The following SPAG5 variants were observed in gnomAD, a reference collection of about 807,000 sequenced individuals.
SPAG5 encodes sperm associated antigen 5, also known as sperm-associated antigen 5.
Under a neutral mutation model 145.4 loss-of-function variants are expected in SPAG5, and 99 were observed. The observed-to-expected ratio is 0.68, with a 90% CI of 0.58 to 0.80. SPAG5 has a LOEUF of 0.80. Among genes scored for constraint, SPAG5 ranks in the 30% least tolerant of loss-of-function variants. SPAG5 has a pLI of 0.00. For missense variants in SPAG5, 1,192 were observed against 1,416.0 expected (o/e 0.84, Z 2.54); for synonymous variants, 477 against 525.4 (o/e 0.91, Z 1.26).
intron 19 of SPAG5, 31 bp from the exon 20 acceptor site, chr17:28,578,783 T>TA: frequency 6.4e-7 from 1 of 1,574,466 alleles, no homozygotes; most frequent in Non-Finnish European, 8.7e-7. Flanking sequence ...AGAAGACACA[T>TA]GAAGAGCTGG....
At position 28,585,524 on chromosome 17, in the gene SPAG5, C is replaced by T. The variant is rs1055506088; in HGVS notation, c.1860+10G>A. ...CACAGACCCCAGGAAAGAAAATGCCCTTAAATTACCAGTTGGGTCTGGGCA... is the reference window on the plus strand; with the variant it reads ...CACAGACCCCAGGAAAGAAAATGCCTTTAAATTACCAGTTGGGTCTGGGCA... On this transcript the variant is annotated intron_variant, in intron 8 of 23. Coordinates refer to ENST00000321765, the MANE Select transcript of SPAG5 (RefSeq NM_006461.4). The T allele has an allele frequency of 1.2e-6, 2 of 1,613,904 alleles. No individual in the cohort carries two copies. The highest frequency in any genetic ancestry group is 1.7e-6 in the Non-Finnish European group (2 of 1,180,044).
At chr17:28,585,702 G>C (rs770945944) in intron 7 of SPAG5, 49 bp from the exon 8 acceptor site, 3 of 1,611,358 alleles carry the variant, frequency 1.9e-6, no homozygotes, top group South Asian at 2.2e-5. Context: ...AGGGGAGCCA[G>C]CACAAAAAGA....
chr17:28,578,671 C>G lies in SPAG5; in HGVS notation c.3198+1G>C, dbSNP rs1471382771. On this transcript the variant is annotated splice_donor_variant, in intron 20 of 23. Transcript: ENST00000321765. LOFTEE classifies it high-confidence loss of function. The stretch of plus-strand genomic sequence containing the variant: ...AGGCCTGGGCATGATGGTGAACATA[C>G]TATGAGCTCGCCACTCTTGTCTATC... The G allele has an allele frequency of 6.2e-7, 1 of 1,613,660 alleles. No individual in the cohort carries two copies. The highest frequency in any genetic ancestry group is 1.7e-5 in the Admixed American group (1 of 60,018).
In SPAG5 at chr17:28,586,518, T is replaced by G; in HGVS notation, c.1438-19A>C. 1 of 1,594,332 alleles carries G rather than the reference T, an allele frequency of 6.3e-7. No individual in the cohort carries two copies. On this transcript the variant is annotated intron_variant, in intron 4 of 23. Transcript: ENST00000321765. ...TAGTTATCTAGCCAGAAAAACAGAGTTGTTCCTTGTTTTGTTTGTTTGTTT... is the reference window on the plus strand; with the variant it reads ...TAGTTATCTAGCCAGAAAAACAGAGGTGTTCCTTGTTTTGTTTGTTTGTTT...
At chr17:28,596,527 G>T (rs1168870749) in intron 2 of SPAG5, among the ~76,000 whole-genome samples, 1 of 151,752 alleles carries the variant, frequency 6.6e-6, no homozygotes, top group African/African-American at 2.4e-5. Flanking sequence ...AATTAGCCAG[G>T]CATGGTGGCA....
intron 14 of SPAG5, 52 bp downstream of exon 14, chr17:28,583,801 C>T: frequency 6.3e-7 from 1 of 1,576,932 alleles, no homozygotes; most frequent in Non-Finnish European, 8.6e-7. Flanking sequence ...AGAAGTGTTC[C>T]TGAGAAAAAA....
intron 11 of SPAG5, 66 bp downstream of exon 11, chr17:28,584,586 A>G (rs1331822864): frequency 6.2e-7 from 1 of 1,600,906 alleles, no homozygotes; most frequent in Admixed American, 1.7e-5. Flanking sequence ...CTCTAGTGCC[A>G]CACTCCAAGC....
At chr17:28,579,071 TAA>T in intron 19 of SPAG5, 68 bp downstream of exon 19, 2 of 1,304,026 alleles carry the variant, frequency 1.5e-6, no homozygotes, top group East Asian at 4.6e-5. Context: ...CCTGGAGAGA[TAA>T]TGGCTCCCAG....
intron 1 of SPAG5, 92 bp downstream of exon 1, chr17:28,598,804 G>A: frequency 6.5e-7 from 1 of 1,544,952 alleles, no homozygotes; most frequent in Non-Finnish European, 8.9e-7. Flanking sequence ...CCAACCCCGG[G>A]CTCGACCCAA....
In SPAG5 at chr17:28,584,692, T is replaced by C. The variant is rs1157005894; in HGVS notation, c.2121A>G (p.Gln707=). 6.2e-7 allele frequency: 1 copy of C among 1,614,074 alleles called. No individual in the cohort carries two copies. The highest frequency in any genetic ancestry group is 8.5e-7 in the Non-Finnish European group (1 of 1,180,024). Residue 707 remains glutamine, a synonymous_variant, in exon 11 of 24, where the codon CAA becomes CAG. Coordinates refer to ENST00000321765, the MANE Select transcript of SPAG5 (RefSeq NM_006461.4). ...VSAQLEECKG[Q]TEQLELENSR... ...TGTTTTCCAACTCCAGTTGTTCTGT[T>C]TGGCCTTTGCACTCCTCTAACTGGG...
chr17:28,590,661 G>C (rs1383635326), intron 4 of SPAG5, among the ~76,000 whole-genome samples: 1 of 151,914 alleles, frequency 6.6e-6, no homozygotes, highest in Non-Finnish European at 1.5e-5. Context: ...ATGAGGGCAG[G>C]AGTTCGAGAC....
At chr17:28,593,579 A>AT (rs2070639701) in intron 2 of SPAG5, among the ~76,000 whole-genome samples, 1 of 152,090 alleles carries the variant, frequency 6.6e-6, no homozygotes, top group East Asian at 1.9e-4. Flanking sequence ...TTAGCCGGGC[A>AT]TGGTGGTGCT....
Position 28,585,085 on chromosome 17 carries a change from C to A in SPAG5, c.2067+17G>T, listed in dbSNP as rs769433119. 1 of 1,596,194 alleles carries A rather than the reference C, an allele frequency of 6.3e-7. No homozygotes were observed. Among genetic ancestry groups the A allele is most frequent in the Admixed American group, 1.7e-5 (1 of 60,004 alleles). On this transcript the variant is annotated intron_variant, in intron 10 of 23. Transcript: ENST00000321765. ...GAAGGAAACCAAGCCTAAGCAGTCC[C>A]CACTCTTGGTTTGTACCTCCTGCTT...
chr17:28,584,706 C>T lies in SPAG5; in HGVS notation c.2107G>A (p.Glu703Lys). The T allele has an allele frequency of 1.9e-6, 3 of 1,614,174 alleles. No homozygotes were observed. The highest frequency in any genetic ancestry group is 1.1e-5 in the South Asian group (1 of 91,076). Residue 703 changes from glutamate to lysine, a missense_variant, in exon 11 of 24, where the codon GAG becomes AAG. Transcript: ENST00000321765. ...AGTTGTTCTGTTTGGCCTTTGCACT[C>T]CTCTAACTGGGCAGAGACTTGTTCC... is the stretch of plus-strand genomic sequence containing the variant. ...VLEQVSAQLEECKGQTEQLEL... is the reference protein window; with the variant it reads ...VLEQVSAQLEKCKGQTEQLEL...
chr17:28,582,475 T>G (rs542334995), intron 15 of SPAG5, among the ~76,000 whole-genome samples: 1 of 152,314 alleles, frequency 6.6e-6, no homozygotes, highest in East Asian at 1.9e-4. Flanking sequence ...GTCAGCTGCT[T>G]TGAGAAGGCA....
chr17:28,592,721 C>A lies in SPAG5; in HGVS notation c.523G>T (p.Ala175Ser), dbSNP rs2070630808. The change falls in exon 3 of 24, where the codon GCA becomes TCA. Residue 175 changes from alanine to serine, a missense_variant. By Grantham distance (99) the Ala-to-Ser change is moderately conservative (BLOSUM62 1). Transcript: ENST00000321765. Reference sequence around the variant, plus strand: ...GAAAACCTGTCTCCCATGCAGGGTGCCACCTCCTCTCTCACCAGATCGTCT... The same window carrying A: ...GAAAACCTGTCTCCCATGCAGGGTGACACCTCCTCTCTCACCAGATCGTCT... ...RTDDLVREEV[A>S]PCMGDRFSEV... is the part of the protein sequence containing the mutation. The A allele has an allele frequency of 6.2e-7, 1 of 1,614,180 alleles. No individual in the cohort carries two copies. Among genetic ancestry groups the A allele is most frequent in the East Asian group, 2.2e-5 (1 of 44,894 alleles).
At chr17:28,598,402 A>T in intron 2 of SPAG5, 108 bp downstream of exon 2, 1 of 1,346,652 alleles carries the variant, frequency 7.4e-7, no homozygotes. Context: ...TCACCGACGT[A>T]GAAGACTTCA....
chr17:28,598,408 C>T, intron 2 of SPAG5, 102 bp downstream of exon 2: 1 of 1,391,790 alleles, frequency 7.2e-7, no homozygotes, highest in Non-Finnish European at 9.6e-7. Flanking sequence ...ACGTAGAAGA[C>T]TTCATTATCG....
chr17:28,587,699 C>T (rs1177447213), intron 4 of SPAG5, among the ~76,000 whole-genome samples: 2 of 114,812 alleles, frequency 1.7e-5, no homozygotes, highest in Admixed American at 2.5e-4. Flanking sequence ...GTGTGGGTAA[C>T]AGAGTGAGAC....
Sources: gnomAD v4.1 joint callset for allele counts (sites outside exome capture counted in the v4.1 genomes callset) on GRCh38, gnomAD v4.1.1 for gene constraint, MANE v1.5 for transcripts, NCBI Gene and HGNC (gene_info 2026-07-23, HGNC 2026-07-21) for gene names.